Variants in USP32 observed in about 807,000 individuals in gnomAD.
The protein encoded by USP32 is ubiquitin specific peptidase 32.
USP32 carries 59 observed loss-of-function variants against 204.8 expected under a neutral mutation model. The ratio of observed to expected loss-of-function variants is 0.29; its 90% CI spans 0.23 to 0.36. The LOEUF (loss-of-function observed/expected upper bound fraction) is 0.36. Ranked by LOEUF, USP32 falls within the 10% of genes least tolerant of loss-of-function variation. The pLI is 1.00. For missense variants in USP32, 1,160 were observed against 1,946.4 expected, an observed-to-expected ratio of 0.60 and a Z score of 7.60; for synonymous variants, 517 against 678.4, an observed-to-expected ratio of 0.76 and a Z score of 3.70.
chr17:60,368,319 T>C (rs1369717484), intron 1 of USP32, among the ~76,000 whole-genome samples: 1 of 152,202 alleles, frequency 6.6e-6, no homozygotes, highest in East Asian at 1.9e-4. Context: ...TAGAATGAAA[T>C]ACACATTAGA....
Position 60,178,171 on chromosome 17 carries a change from T to C in USP32, c.*1084A>G, listed in dbSNP as rs2084013784. On this transcript the variant is annotated 3_prime_UTR_variant, in exon 34 of 34. Coordinates refer to ENST00000300896, the MANE Select transcript of USP32 (RefSeq NM_032582.4). ...TCCTAAAACCACCAATTTCATTAAA[T>C]ACACTTATGAACTCCTAATGTCTGG... 6.6e-6 allele frequency among the ~76,000 whole-genome samples: 1 copy of C among 152,210 alleles called. No individual in the cohort carries two copies. The highest frequency in any genetic ancestry group is 2.4e-5 in the African/African-American group (1 of 41,460).
At chr17:60,212,933 T>C (rs1481238624) in intron 18 of USP32, among the ~76,000 whole-genome samples, 1 of 152,120 alleles carries the variant, frequency 6.6e-6, no homozygotes, top group Non-Finnish European at 1.5e-5. Flanking sequence ...TTTGTATTTT[T>C]AGCAGAGACA....
At chr17:60,288,432 A>T in intron 5 of USP32, 91 bp downstream of exon 5, 1 of 1,414,342 alleles carries the variant, frequency 7.1e-7, no homozygotes, top group South Asian at 1.6e-5. Context: ...AATTTAAATA[A>T]ATTTCTCCTT....
chr17:60,404,218 G>C (rs974005605), intron 1 of USP32, among the ~76,000 whole-genome samples: 1 of 152,106 alleles, frequency 6.6e-6, no homozygotes, highest in Non-Finnish European at 1.5e-5. Context: ...AGAGAGAGGT[G>C]GGGGAGAGGG....
chr17:60,261,614 C>A (rs1285720654), intron 9 of USP32, among the ~76,000 whole-genome samples: 6 of 151,894 alleles, frequency 4.0e-5, no homozygotes, highest in Non-Finnish European at 8.8e-5. Flanking sequence ...CCACTGCACT[C>A]CAGCCTGGGT....
Position 60,196,848 on chromosome 17 carries a change from A to G in USP32, c.3434+1412T>C, listed in dbSNP as rs185883848. 1.3e-3 allele frequency among the ~76,000 whole-genome samples: 201 copies of G among 152,152 alleles called. 1 individual carries two copies. The highest frequency in any genetic ancestry group is 4.5e-3 in the African/African-American group (188 of 41,506). On this transcript the variant is annotated intron_variant, in intron 27 of 33. Coordinates refer to ENST00000300896, the MANE Select transcript of USP32 (RefSeq NM_032582.4). ...TCAAAAAAATACAAAATAAAAATAA[A>G]TAAATAACTTATTTAAGTAAAGATT...
chr17:60,202,914 T>G (rs528873341), intron 26 of USP32, among the ~76,000 whole-genome samples: 1 of 148,998 alleles, frequency 6.7e-6, no homozygotes, highest in East Asian at 1.9e-4. Flanking sequence ...ATAAGTATCC[T>G]TATCAGAGAA....
intron 12 of USP32, among the ~76,000 whole-genome samples, chr17:60,227,391 T>A (rs2085423575): frequency 6.6e-6 from 1 of 150,930 alleles, no homozygotes; most frequent in Non-Finnish European, 1.5e-5. Flanking sequence ...TGCCTCAGCC[T>A]CCCGAGTAAC....
chr17:60,320,303 A>C (rs1232095624), intron 2 of USP32, among the ~76,000 whole-genome samples: 1 of 152,238 alleles, frequency 6.6e-6, no homozygotes, highest in Non-Finnish European at 1.5e-5. Flanking sequence ...CATTTCTAAT[A>C]TTAAACATTG....
intron 2 of USP32, among the ~76,000 whole-genome samples, chr17:60,309,301 A>C (rs1025287213): frequency 6.6e-6 from 1 of 152,112 alleles, no homozygotes; most frequent in Non-Finnish European, 1.5e-5. Context: ...AAAAAAACAA[A>C]ACAAAAACAA....
intron 33 of USP32, among the ~76,000 whole-genome samples, chr17:60,179,668 A>G (rs1251157492): frequency 6.6e-6 from 1 of 151,588 alleles, no homozygotes; most frequent in Non-Finnish European, 1.5e-5. Flanking sequence ...AACCTCATCA[A>G]ATTCTATTTA....
chr17:60,228,868 G>A (rs1229822823), intron 12 of USP32, among the ~76,000 whole-genome samples: 3 of 150,446 alleles, frequency 2.0e-5, no homozygotes, highest in Non-Finnish European at 4.4e-5. Context: ...GAGTCTTACT[G>A]TATTGCCCAG....
At chr17:60,327,639 C>T (rs1011267168) in intron 2 of USP32, among the ~76,000 whole-genome samples, 6 of 152,160 alleles carry the variant, frequency 3.9e-5, no homozygotes, top group African/African-American at 1.4e-4. Flanking sequence ...CCAGGGCTGC[C>T]GACATGCTCC....
chr17:60,264,665 T>G (rs2145761719), intron 9 of USP32, among the ~76,000 whole-genome samples: 1 of 151,986 alleles, frequency 6.6e-6, no homozygotes, highest in Admixed American at 6.6e-5. Context: ...GAGATCAGCC[T>G]GGCCAACATA....
chr17:60,227,825 T>TG lies in USP32; in HGVS notation c.1240-1595dup, dbSNP rs371870407. ...TTCTTTGTTCCTTGTCTGTTACCAC[T>TG]GCTTCACTTTAGTAGCCAAAAAATT... On this transcript the variant is annotated intron_variant, in intron 12 of 33. Transcript: ENST00000300896. 1.4e-3 allele frequency among the ~76,000 whole-genome samples: 216 copies of TG among 152,282 alleles called. 1 individual carries two copies. The highest frequency in any genetic ancestry group is 4.8e-3 in the African/African-American group (200 of 41,558).
chr17:60,354,799 A>G (rs1243619131), intron 1 of USP32, among the ~76,000 whole-genome samples: 1 of 152,212 alleles, frequency 6.6e-6, no homozygotes, highest in Admixed American at 6.5e-5. Flanking sequence ...TAATCCCAGC[A>G]CTTTGGGAGG....
intron 1 of USP32, among the ~76,000 whole-genome samples, chr17:60,389,557 C>T (rs537674559): frequency 6.6e-6 from 1 of 150,858 alleles, no homozygotes; most frequent in East Asian, 2.0e-4. Flanking sequence ...AAAAAAAAAG[C>T]TTCATAAACT....
At chr17:60,384,787 C>A (rs1423021768) in intron 1 of USP32, among the ~76,000 whole-genome samples, 6 of 149,306 alleles carry the variant, frequency 4.0e-5, no homozygotes, top group Admixed American at 1.3e-4. Flanking sequence ...AGCAAAACTC[C>A]GTCCAAAAAA....
intron 1 of USP32, among the ~76,000 whole-genome samples, chr17:60,347,717 A>T (rs2088824063): frequency 6.6e-6 from 1 of 151,720 alleles, no homozygotes. Flanking sequence ...TGATCTCCTG[A>T]CCTCAAGTGA....
Sources: allele counts gnomAD v4.1 joint callset (sites outside exome capture counted in the v4.1 genomes callset), GRCh38; gene constraint gnomAD v4.1.1; transcripts MANE v1.5; gene names NCBI Gene and HGNC (gene_info 2026-07-23, HGNC 2026-07-21).